Variants in PRKG1 observed in about 807,000 individuals in gnomAD.
The protein encoded by PRKG1 is protein kinase cGMP-dependent 1.
PRKG1 carries 35 observed loss-of-function variants against 88.1 expected under a neutral mutation model. That is an observed-to-expected ratio of 0.40 (90% CI 0.30 to 0.53). The LOEUF (loss-of-function observed/expected upper bound fraction) is 0.53, where lower values mean the gene tolerates loss of function less well. Ranked by LOEUF, PRKG1 falls within the 20% of genes least tolerant of loss-of-function variation. The pLI, the probability that PRKG1 is intolerant of heterozygous loss-of-function variation, is 0.59. For synonymous variants in PRKG1, 303 were observed against 292.5 expected, an observed-to-expected ratio of 1.04 and a Z score of -0.37; for missense variants, 540 against 839.8, an observed-to-expected ratio of 0.64 and a Z score of 4.41.
chr10:51,767,832 G>A (rs1838206933), intron 3 of PRKG1, among the ~76,000 whole-genome samples: 1 of 152,052 alleles, frequency 6.6e-6, no homozygotes, highest in African/African-American at 2.4e-5. Flanking sequence ...TGGTATGTTT[G>A]CCTGCTATTT....
intron 2 of PRKG1, among the ~76,000 whole-genome samples, chr10:51,243,330 C>A (rs1839202891): frequency 6.6e-6 from 1 of 152,172 alleles, no homozygotes; most frequent in Non-Finnish European, 1.5e-5. Context: ...GGTCTGTTCA[C>A]CACCACTGGC....
Position 51,460,924 on chromosome 10 carries a change from A to G in PRKG1, c.479-6799A>G, listed in dbSNP as rs571543705. On this transcript the variant is annotated intron_variant, in intron 2 of 17. Coordinates refer to ENST00000373980, the MANE Select transcript of PRKG1 (RefSeq NM_006258.4). ...TTTCCTCATATAAGTTTTCTTTGTG[A>G]ATATGTATGTATGCCTCATGACTTC... Among the ~76,000 whole-genome samples, 3 of 152,276 alleles carry G rather than the reference A, an allele frequency of 2.0e-5. No homozygotes were observed. In the South Asian group the frequency reaches 6.2e-4, roughly 32 times the overall value.
intron 3 of PRKG1, among the ~76,000 whole-genome samples, chr10:51,766,955 C>T (rs1838180557): frequency 6.6e-6 from 1 of 152,122 alleles, no homozygotes; most frequent in South Asian, 2.1e-4. Flanking sequence ...GAAGCCAACT[C>T]CACAATAGAA....
chr10:50,996,389 T>C (rs905927309), intron 1 of PRKG1, among the ~76,000 whole-genome samples: 5 of 152,172 alleles, frequency 3.3e-5, no homozygotes, highest in African/African-American at 1.2e-4. Flanking sequence ...TGGTTCTAGT[T>C]TAGTAAGTGG....
At chr10:52,222,486 G>A (rs537842799) in intron 9 of PRKG1, among the ~76,000 whole-genome samples, 18 of 152,190 alleles carry the variant, frequency 1.2e-4, no homozygotes, top group African/African-American at 4.1e-4. Flanking sequence ...TTCACCATTG[G>A]AAACCCCAAC....
intron 1 of PRKG1, among the ~76,000 whole-genome samples, chr10:51,086,110 GT>G (rs1844240031): frequency 1.3e-5 from 2 of 152,140 alleles, no homozygotes; most frequent in Admixed American, 1.3e-4. Flanking sequence ...GTGATTCCCT[GT>G]TTATGTAGCA....
chr10:52,042,354 A>G (rs1403050863), intron 5 of PRKG1, among the ~76,000 whole-genome samples: 1 of 152,180 alleles, frequency 6.6e-6, no homozygotes, highest in Non-Finnish European at 1.5e-5. Context: ...ACCAAAACAC[A>G]TGGTACTAGC....
At chr10:51,566,416 G>A (rs574763039) in intron 3 of PRKG1, among the ~76,000 whole-genome samples, 9 of 152,162 alleles carry the variant, frequency 5.9e-5, no homozygotes, top group African/African-American at 1.9e-4. Context: ...TTGAACAAGC[G>A]TTTTGAGTGC....
chr10:51,728,947 TAGAA>T (rs1186010520), intron 3 of PRKG1, among the ~76,000 whole-genome samples: 2 of 152,200 alleles, frequency 1.3e-5, no homozygotes, highest in Non-Finnish European at 1.5e-5. Flanking sequence ...ACAAATCTCT[TAGAA>T]AGCCATTTTA....
intron 3 of PRKG1, among the ~76,000 whole-genome samples, chr10:51,555,789 G>A (rs1398510906): frequency 6.6e-6 from 1 of 151,924 alleles, no homozygotes; most frequent in Non-Finnish European, 1.5e-5. Flanking sequence ...AGGGGAAGAG[G>A]AAGGGTTACT....
intron 5 of PRKG1, among the ~76,000 whole-genome samples, chr10:51,973,236 G>A (rs1043410005): frequency 2.6e-5 from 4 of 152,132 alleles, no homozygotes; most frequent in Non-Finnish European, 4.4e-5. Flanking sequence ...GAAATGATCT[G>A]CCTCACATTC....
At chr10:51,068,199 C>T (rs1757875090) in intron 1 of PRKG1, among the ~76,000 whole-genome samples, 1 of 152,008 alleles carries the variant, frequency 6.6e-6, no homozygotes, top group African/African-American at 2.4e-5. Flanking sequence ...ATTTCCATCT[C>T]ATGATGATTA....
intron 5 of PRKG1, among the ~76,000 whole-genome samples, chr10:51,961,685 C>G (rs1044928133): frequency 6.6e-6 from 1 of 152,138 alleles, no homozygotes; most frequent in Non-Finnish European, 1.5e-5. Flanking sequence ...TCATATCCTC[C>G]CTCCCACAAG....
At chr10:51,040,232 T>TTGTGTGTGTG (rs373057468) in intron 1 of PRKG1, among the ~76,000 whole-genome samples, 326 of 117,836 alleles carry the variant, frequency 2.8e-3, no homozygotes, top group African/African-American at 4.1e-3. Flanking sequence ...TCCATTCCAT[T>TTGTGTGTGTG]TGTGTGTGTG....
intron 3 of PRKG1, among the ~76,000 whole-genome samples, chr10:51,771,069 G>A (rs564466028): frequency 1.3e-5 from 2 of 152,212 alleles, no homozygotes; most frequent in South Asian, 4.2e-4. Flanking sequence ...ACTGAATACT[G>A]TAGGCAACTG....
intron 1 of PRKG1, among the ~76,000 whole-genome samples, chr10:50,997,417 A>G (rs1842847153): frequency 6.6e-6 from 1 of 152,126 alleles, no homozygotes. Flanking sequence ...CCCTCATGAA[A>G]CTATTTCTAA....
At chr10:51,968,734 A>C (rs1589466660) in intron 5 of PRKG1, among the ~76,000 whole-genome samples, 1 of 151,720 alleles carries the variant, frequency 6.6e-6, no homozygotes, top group African/African-American at 2.4e-5. Context: ...GAGGCAGGAT[A>C]ATCGCTTAAA....
At chr10:52,129,830 A>C (rs1837207515) in intron 7 of PRKG1, among the ~76,000 whole-genome samples, 2 of 152,212 alleles carry the variant, frequency 1.3e-5, no homozygotes, top group Non-Finnish European at 2.9e-5. Flanking sequence ...AATTTTCATA[A>C]TGATGGACAG....
intron 2 of PRKG1, among the ~76,000 whole-genome samples, chr10:51,464,886 G>A (rs576086798): frequency 1.4e-4 from 11 of 79,786 alleles, no homozygotes; most frequent in South Asian, 6.0e-4. Context: ...GCGAGACTCC[G>A]TCTCAAAAAA....
Sources: gnomAD v4.1 joint callset for allele counts (sites outside exome capture counted in the v4.1 genomes callset) on GRCh38, gnomAD v4.1.1 for gene constraint, MANE v1.5 for transcripts, NCBI Gene and HGNC (gene_info 2026-07-23, HGNC 2026-07-21) for gene names.